The following NCK2 variants were observed in gnomAD, a reference collection of about 807,000 sequenced individuals.
NCK2 encodes the protein NCK adaptor protein 2.
NCK2 carries 16 observed loss-of-function variants against 33.9 expected under a neutral mutation model. The observed-to-expected ratio is 0.47, with a 90% confidence interval of 0.32 to 0.72. The LOEUF (loss-of-function observed/expected upper bound fraction) is 0.72, where lower values mean the gene tolerates loss of function less well. NCK2 is among the 30% of genes least tolerant of loss of function. NCK2 has a pLI of 0.03. For missense variants in NCK2, 418 were observed against 537.3 expected (o/e 0.78, Z 2.19); for synonymous variants, 273 against 239.9 (o/e 1.14, Z -1.27).
At chr2:105,855,514 CT>C in intron 3 of NCK2, 1 of 466,008 alleles carries the variant, frequency 2.1e-6, no homozygotes, top group East Asian at 3.7e-5. Flanking sequence ...TATGGAGACA[CT>C]TTGTGTGCTT....
At chr2:105,782,118 A>G (rs115281595) in intron 1 of NCK2, among the ~76,000 whole-genome samples, 2,853 of 152,206 alleles carry the variant, frequency 0.019, 51 homozygotes, top group Non-Finnish European at 0.022. Flanking sequence ...TGACTGCGGG[A>G]AGTTGCTTTT....
rs149002042 is a variant in NCK2 at position 105,870,444 on chromosome 2, G to T, written c.227-10884G>T. ...GCACAGTAGAATGTTTCATTATGGGGTATGCATGCCTAGAAATAAGAAAAG... is the reference window on the plus strand; with the variant it reads ...GCACAGTAGAATGTTTCATTATGGGTTATGCATGCCTAGAAATAAGAAAAG... On this transcript the variant is annotated intron_variant, in intron 3 of 4. Coordinates refer to ENST00000233154, the MANE Select transcript of NCK2 (RefSeq NM_003581.5). 6.5e-3 allele frequency among the ~76,000 whole-genome samples: 982 copies of T among 152,236 alleles called. 5 individuals are homozygous for T. The highest frequency in any genetic ancestry group is 0.027 in the Middle Eastern group (8 of 294).
At chr2:105,857,246 T>A (rs1213178104) in intron 3 of NCK2, 5 of 152,162 alleles carry the variant, frequency 3.3e-5, no homozygotes, top group Admixed American at 6.5e-5. Flanking sequence ...CATGCTTAGT[T>A]TTTTCATGAG....
chr2:105,844,150 G>T lies in NCK2; in HGVS notation c.-16-10898G>T, dbSNP rs562600292. On this transcript the variant is annotated intron_variant, in intron 2 of 4. Transcript: ENST00000233154. Reference sequence around the variant, plus strand: ...TCATGACATCAGACAAATCCTAACGGGTGGGGGGACATTCTTTAAATACCT... The same window carrying T: ...TCATGACATCAGACAAATCCTAACGTGTGGGGGGACATTCTTTAAATACCT... 1.1e-4 allele frequency among the ~76,000 whole-genome samples: 17 copies of T among 152,254 alleles called. No homozygotes were observed. The East Asian group carries it at 3.3e-3, about 29-fold the overall frequency.
rs78537698 is a variant in NCK2 at position 105,753,121 on chromosome 2, A to C, written c.-201+7983A>C. 7.1e-3 allele frequency among the ~76,000 whole-genome samples: 1,081 copies of C among 152,380 alleles called. 19 individuals carry two copies. Among genetic ancestry groups the C allele is most frequent in the African/African-American group, 0.025 (1,039 of 41,588 alleles). The stretch of plus-strand genomic sequence containing the variant: ...CATTAAGATGTATCTGAAAATACAT[A>C]AAACAGAACTGTAAACTTTTATTAT... On this transcript the variant is annotated intron_variant, in intron 1 of 4. Transcript: ENST00000233154.
chr2:105,842,856 G>C (rs865896318), intron 2 of NCK2, among the ~76,000 whole-genome samples: 1 of 150,808 alleles, frequency 6.6e-6, no homozygotes, highest in East Asian at 2.0e-4. Flanking sequence ...GGGGGTGGAC[G>C]CTGTGAGAAA....
At chr2:105,752,721 G>C (rs748983870) in intron 1 of NCK2, among the ~76,000 whole-genome samples, 12 of 152,076 alleles carry the variant, frequency 7.9e-5, no homozygotes, top group African/African-American at 1.2e-4. Flanking sequence ...CTCTGGTTCC[G>C]TCTGGATAAT....
At chr2:105,793,645 A>G (rs1203318782) in intron 1 of NCK2, among the ~76,000 whole-genome samples, 1 of 152,238 alleles carries the variant, frequency 6.6e-6, no homozygotes, top group Non-Finnish European at 1.5e-5. Context: ...TGGAACTCTG[A>G]TTTAAGATAC....
chr2:105,886,281 G>C (rs946551145), intron 4 of NCK2, among the ~76,000 whole-genome samples: 6 of 152,230 alleles, frequency 3.9e-5, no homozygotes, highest in Non-Finnish European at 1.5e-5. Context: ...ATGCAGTACA[G>C]GCTGTTATCT....
intron 1 of NCK2, among the ~76,000 whole-genome samples, chr2:105,752,125 GGCCTTGGCCACA>G (rs1689472707): frequency 6.6e-6 from 1 of 152,082 alleles, no homozygotes; most frequent in African/African-American, 2.4e-5. Context: ...CATTTTGATT[GGCCTTGGCCACA>G]CGCGACTAGT....
intron 2 of NCK2, among the ~76,000 whole-genome samples, chr2:105,831,354 G>A (rs1676177156): frequency 6.6e-6 from 1 of 151,450 alleles, no homozygotes; most frequent in South Asian, 2.1e-4. Context: ...CAAAGCTGGA[G>A]GCACATGGTG....
intron 2 of NCK2, among the ~76,000 whole-genome samples, chr2:105,841,358 TG>T (rs1487231757): frequency 2.6e-5 from 4 of 152,312 alleles, no homozygotes; most frequent in Non-Finnish European, 4.4e-5. Context: ...TGTGATTGAA[TG>T]TCTACCTCAG....
chr2:105,772,208 T>C (rs1690157062), intron 1 of NCK2, among the ~76,000 whole-genome samples: 1 of 152,074 alleles, frequency 6.6e-6, no homozygotes, highest in Non-Finnish European at 1.5e-5. Flanking sequence ...TCTTGATCTC[T>C]TTGGCCCTGA....
At chr2:105,869,247 C>T (rs1466932357) in intron 3 of NCK2, among the ~76,000 whole-genome samples, 2 of 152,148 alleles carry the variant, frequency 1.3e-5, no homozygotes, top group African/African-American at 2.4e-5. Context: ...TGAGAAAGTG[C>T]CACACCGGAT....
chr2:105,881,873 G>A lies in NCK2; in HGVS notation c.772G>A (p.Gly258Arg), dbSNP rs756217972. The change falls in exon 4 of 5, where the codon GGG (glycine) becomes AGG (arginine). Residue 258 changes from glycine to arginine, a missense_variant. Transcript: ENST00000233154. ...PKNYVVVLSD[G>R]PALHPAHAPQ... The stretch of plus-strand genomic sequence containing the variant: ...AAACTACGTGGTGGTCCTCAGTGAC[G>A]GGCCTGCCCTGCACCCTGCGCACGC... 6 of 1,585,458 alleles carry A rather than the reference G, an allele frequency of 3.8e-6. No individual in the cohort carries two copies. The highest frequency in any genetic ancestry group is 3.5e-5 in the Admixed American group (2 of 57,622).
chr2:105,771,609 C>A (rs950431297), intron 1 of NCK2, among the ~76,000 whole-genome samples: 1 of 152,088 alleles, frequency 6.6e-6, no homozygotes, highest in Non-Finnish European at 1.5e-5. Flanking sequence ...CAAGAAGTTT[C>A]CCATTGTTTC....
chr2:105,813,579 C>G (rs1558849878), intron 1 of NCK2, among the ~76,000 whole-genome samples: 2 of 152,228 alleles, frequency 1.3e-5, no homozygotes. Context: ...GCCAGCACCA[C>G]ACAGGCATTG....
At chr2:105,822,311 G>C (rs530987574) in intron 2 of NCK2, among the ~76,000 whole-genome samples, 2 of 152,128 alleles carry the variant, frequency 1.3e-5, no homozygotes, top group South Asian at 4.1e-4. Flanking sequence ...AGCTCCTGTG[G>C]CTTCCAGCTC....
intron 3 of NCK2, among the ~76,000 whole-genome samples, chr2:105,863,360 G>A (rs1677622805): frequency 6.6e-6 from 1 of 152,150 alleles, no homozygotes; most frequent in Non-Finnish European, 1.5e-5. Context: ...CTAAGCTTCA[G>A]TTGTCCCTTT....
Sources: allele counts gnomAD v4.1 joint callset (sites outside exome capture counted in the v4.1 genomes callset), GRCh38; gene constraint gnomAD v4.1.1; transcripts MANE v1.5; gene names NCBI Gene and HGNC (gene_info 2026-07-23, HGNC 2026-07-21).